Variants in PPFIA3 observed in about 807,000 individuals in gnomAD.
PPFIA3 encodes the protein liprin-alpha-3.
PPFIA3 carries 26 observed loss-of-function variants against 145.8 expected under a neutral mutation model. That is an observed-to-expected ratio of 0.18 (90% CI 0.13 to 0.25). PPFIA3 has a LOEUF of 0.25. Among genes scored for constraint, PPFIA3 ranks in the 10% least tolerant of loss-of-function variants. The pLI is 1.00. For synonymous variants in PPFIA3, 645 were observed against 661.4 expected (o/e 0.98, Z 0.38); for missense variants, 1,008 against 1,587.8 (o/e 0.63, Z 6.21).
chr19:49,138,417 C>A lies in PPFIA3; in HGVS notation c.2066C>A (p.Thr689Asn). 1 of 1,545,154 alleles carries A rather than the reference C, an allele frequency of 6.5e-7. No individual in the cohort carries two copies. Among genetic ancestry groups the A allele is most frequent in the African/African-American group, 1.4e-5 (1 of 73,792 alleles). The change falls in exon 16 of 30, where the codon ACC becomes AAC. Residue 689 changes from threonine (T) to asparagine (N), a missense_variant. By Grantham distance (65) the Thr-to-Asn change is moderately conservative. This residue lies in a region of PPFIA3 where 202 missense variants were observed against 241.8 expected (regional missense o/e 0.84). Coordinates refer to ENST00000334186, the MANE Select transcript of PPFIA3 (RefSeq NM_003660.4). ...CCCCCTAGCCCTGCCCGTGAGGGCA[C>A]CGACAAGGCTGTGAGTGCTCTGAAG... ...LAPPSPAREG[T>N]DKANHVPKEE...
In PPFIA3 at chr19:49,134,860, C is replaced by A. The variant is rs140242929; in HGVS notation, c.1465C>A (p.Arg489=). ...NKEQLLAEME[R]MQMEIDQLRG... is the part of the protein sequence containing the mutation. ...GGAGCAGCTCTTGGCCGAAATGGAG[C>A]GGATGCAGATGGAGATCGACCAGCT... Residue 489 remains arginine, a synonymous_variant, in exon 13 of 30, where the codon CGG becomes AGG. Transcript: ENST00000334186. 1.0e-5 allele frequency: 16 copies of A among 1,595,792 alleles called. No homozygotes were observed. Among genetic ancestry groups the A allele is most frequent in the Non-Finnish European group, 1.4e-5 (16 of 1,169,356 alleles).
intron 1 of PPFIA3, 102 bp from the exon 2 acceptor site, chr19:49,127,757 C>T: frequency 1.2e-5 from 17 of 1,403,066 alleles, no homozygotes; most frequent in Non-Finnish European, 1.6e-5. Flanking sequence ...GCTTGGTTTG[C>T]CCCCAACTAT....
Position 49,148,321 on chromosome 19 carries a change from C to T in PPFIA3, c.3011+63C>T, listed in dbSNP as rs1054221639. 1.6e-5 allele frequency: 24 copies of T among 1,530,388 alleles called. No homozygotes were observed. In the African/African-American group the frequency reaches 1.9e-4, roughly 12 times the overall value. The allele number at this position is 1,530,388 out of a possible 1,614,324, so 94.8% of individuals were successfully genotyped here. On this transcript the variant is annotated intron_variant, in intron 24 of 29. Transcript: ENST00000334186. ...AAGCCCCACCCCAGAGAGTCTTTGG[C>T]CAATAGGATTGGCCATGGGAGATTC...
In PPFIA3 at chr19:49,149,827, T is replaced by C; in HGVS notation, c.3526+109T>C. The C allele has an allele frequency of 7.4e-7, 1 of 1,354,012 alleles. No individual in the cohort carries two copies. Among genetic ancestry groups the C allele is most frequent in the South Asian group, 1.4e-5 (1 of 69,612 alleles). The allele number at this position is 1,354,012 out of a possible 1,614,324, so 83.9% of individuals were successfully genotyped here. A position where few individuals can be genotyped will look rare whatever the true frequency, so the allele number is the denominator to read the frequency against. ...GGCCTAGTCCTTTCTCGCCCACCCC[T>C]GAGGAATGGACTGCTCCAACGTTCC... On this transcript the variant is annotated intron_variant, in intron 28 of 29. Coordinates refer to ENST00000334186, the MANE Select transcript of PPFIA3 (RefSeq NM_003660.4). This position sits in a 1 kb window ranked among gnomAD's most constrained non-coding sequence, Gnocchi z 5.7.
rs1395145243 is a variant in PPFIA3, at chr19:49,149,573, C to A, written c.3381C>A (p.Ser1127=). The part of the protein sequence containing the change: ...DEDSAKSFSR[S]PSWRKMFREK... ...ACAGCGCCAAGTCTTTCAGCCGCTC[C>A]CCATCCTGGCGGAAGATGTTCCGGG... The change falls in exon 28 of 30, where the codon TCC becomes TCA. Residue 1127 remains serine, a synonymous_variant. Coordinates refer to ENST00000334186, the MANE Select transcript of PPFIA3 (RefSeq NM_003660.4). The surrounding 1 kb of genome is among the most constrained non-coding windows in gnomAD (Gnocchi z 5.7). 3.1e-6 allele frequency: 5 copies of A among 1,614,092 alleles called. No individual in the cohort carries two copies. Among genetic ancestry groups the A allele is most frequent in the Non-Finnish European group, 4.2e-6 (5 of 1,180,048 alleles).
At chr19:49,136,946 T>C (rs980093064) in intron 15 of PPFIA3, 35 bp downstream of exon 15, 1 of 1,456,324 alleles carries the variant, frequency 6.9e-7, no homozygotes, top group Non-Finnish European at 9.1e-7. Context: ...TGCCCTGCCC[T>C]GCCGGAGCTG....
At position 49,128,406 on chromosome 19, in the gene PPFIA3, G is replaced by T; in HGVS notation, c.280G>T (p.Glu94Ter). 6.2e-7 allele frequency: 1 copy of T among 1,613,636 alleles called. No individual in the cohort carries two copies. Among genetic ancestry groups the T allele is most frequent in the African/African-American group, 1.3e-5 (1 of 74,920 alleles). Residue 94 changes from glutamate (E) to a stop codon, truncating the protein, a stop_gained, in exon 3 of 30, where the codon GAG becomes TAG. Transcript: ENST00000334186. LOFTEE classifies it high-confidence loss of function. The surrounding 1 kb of genome is among the most constrained non-coding windows in gnomAD (Gnocchi z 4.1). ...GACGAAGGAGCTGAACTTATGTCGG[G>T]AGCAGCTGCTGGAGAGGGAGGAAGA... ...ALTKELNLCR[E>*]QLLEREEEIA... is the part of the protein sequence containing the mutation.
Position 49,136,870 on chromosome 19 carries a change from C to A in PPFIA3, c.1812C>A (p.Ile604=). 6.3e-7 allele frequency: 1 copy of A among 1,577,792 alleles called. No homozygotes were observed. The highest frequency in any genetic ancestry group is 8.6e-7 in the Non-Finnish European group (1 of 1,161,892). The change falls in exon 15 of 30, where the codon ATC becomes ATA. Residue 604 remains isoleucine, a synonymous_variant. Coordinates refer to ENST00000334186, the MANE Select transcript of PPFIA3 (RefSeq NM_003660.4). ...SGQADVQTLA[I]MLQEQLEAIN... ...AGGCTGACGTGCAGACGCTGGCCAT[C>A]ATGCTTCAGGAGCAGCTGGAGGCCA...
intron 11 of PPFIA3, among the ~76,000 whole-genome samples, 160 bp downstream of exon 11, chr19:49,134,325 C>A (rs1416570471): frequency 6.6e-6 from 1 of 152,180 alleles, no homozygotes; most frequent in Non-Finnish European, 1.5e-5. Context: ...GCCCAGACCG[C>A]TTTTTCACCT....
At chr19:49,122,717 T>G (rs866299357) in intron 1 of PPFIA3, among the ~76,000 whole-genome samples, 38,626 of 141,098 alleles carry the variant, frequency 0.27, 5,508 homozygotes, top group South Asian at 0.32. Flanking sequence ...TTTAGTTGTT[T>G]TTTTTTTTTT....
At position 49,142,018 on chromosome 19, in the gene PPFIA3, C is replaced by A; in HGVS notation, c.2463-16C>A. On this transcript the variant is annotated splice_polypyrimidine_tract_variant and intron_variant, in intron 19 of 29. Transcript: ENST00000334186. The stretch of plus-strand genomic sequence containing the variant: ...CATCCCTGACAGCTTCTATCCTGGC[C>A]CCTTCACCCTTACAGGCATGAACTC... 1 of 1,555,864 alleles carries A rather than the reference C, an allele frequency of 6.4e-7. No homozygotes were observed. The highest frequency in any genetic ancestry group is 8.7e-7 in the Non-Finnish European group (1 of 1,148,924).
chr19:49,133,929 G>A lies in PPFIA3; in HGVS notation c.1245+50G>A. Reference sequence around the variant, plus strand: ...AGGGTGGGGCTTCGAGGCTGGGGCGGAGCTTAATAAGGAGGCTGGGCTGGG... The same window carrying A: ...AGGGTGGGGCTTCGAGGCTGGGGCGAAGCTTAATAAGGAGGCTGGGCTGGG... On this transcript the variant is annotated intron_variant, in intron 10 of 29. Coordinates refer to ENST00000334186, the MANE Select transcript of PPFIA3 (RefSeq NM_003660.4). This position sits in a 1 kb window ranked among gnomAD's most constrained non-coding sequence, Gnocchi z 7.2. 6.2e-7 allele frequency: 1 copy of A among 1,610,578 alleles called. No individual in the cohort carries two copies. Among genetic ancestry groups the A allele is most frequent in the Non-Finnish European group, 8.5e-7 (1 of 1,178,516 alleles).
At position 49,149,096 on chromosome 19, in the gene PPFIA3, G is replaced by C. The variant is rs1251548477; in HGVS notation, c.3213G>C (p.Leu1071=). The part of the protein sequence containing the change: ...NLTESGVHGA[L]LALDETFDYS... ...CGGAGAGCGGGGTACACGGGGCACT[G>C]CTCGCCCTGGACGAGACCTTCGACT... is the stretch of plus-strand genomic sequence containing the variant. The change falls in exon 26 of 30, where the codon CTG becomes CTC. Residue 1071 remains leucine, a synonymous_variant. Transcript: ENST00000334186. The surrounding 1 kb of genome is among the most constrained non-coding windows in gnomAD (Gnocchi z 5.7). 1 of 1,614,068 alleles carries C rather than the reference G, an allele frequency of 6.2e-7. No individual in the cohort carries two copies. Among genetic ancestry groups the C allele is most frequent in the Admixed American group, 1.7e-5 (1 of 60,008 alleles).
chr19:49,123,720 G>A (rs2122520021), intron 1 of PPFIA3, among the ~76,000 whole-genome samples: 1 of 152,262 alleles, frequency 6.6e-6, no homozygotes, highest in South Asian at 2.1e-4. Flanking sequence ...GGGATTACAG[G>A]CGTGAACCAC....
In PPFIA3 at chr19:49,149,466, C is replaced by A. The variant is rs545109410; in HGVS notation, c.3355-81C>A. On this transcript the variant is annotated intron_variant, in intron 27 of 29. Coordinates refer to ENST00000334186, the MANE Select transcript of PPFIA3 (RefSeq NM_003660.4). This position sits in a 1 kb window ranked among gnomAD's most constrained non-coding sequence, Gnocchi z 5.7. ...GCGGGGTTAAAGGAGAGGTGAGACC[C>A]GGAGAGGGGTGGAGTCAAAGGAAGG... 27 of 1,590,352 alleles carry A rather than the reference C, an allele frequency of 1.7e-5. No individual in the cohort carries two copies. The highest frequency in any genetic ancestry group is 2.2e-5 in the Non-Finnish European group (25 of 1,161,678).
chr19:49,130,218 A>G lies in PPFIA3; in HGVS notation c.657+151A>G, dbSNP rs1226088699. 4 of 1,150,594 alleles carry G rather than the reference A, an allele frequency of 3.5e-6. No individual in the cohort carries two copies. The highest frequency in any genetic ancestry group is 4.9e-6 in the Non-Finnish European group (4 of 823,718). The allele number at this position is 1,150,594 out of a possible 1,614,324, so 71.3% of individuals were successfully genotyped here. ...CTTGGACCTCTGATTCAGGTCACCT[A>G]GCGAACTTCTGTGACCTCCTTCACT... is the stretch of plus-strand genomic sequence containing the variant. On this transcript the variant is annotated intron_variant, in intron 6 of 29. Coordinates refer to ENST00000334186, the MANE Select transcript of PPFIA3 (RefSeq NM_003660.4). The surrounding 1 kb of genome is among the most constrained non-coding windows in gnomAD (Gnocchi z 4.5).
Position 49,149,505 on chromosome 19 carries a change from A to G in PPFIA3, c.3355-42A>G. Reference sequence around the variant, plus strand: ...GTCAAAGGAAGGGGCGGAGTCAGACAAGGCAGGAGTCCCTCACCGGCTGTC... The same window carrying G: ...GTCAAAGGAAGGGGCGGAGTCAGACGAGGCAGGAGTCCCTCACCGGCTGTC... On this transcript the variant is annotated intron_variant, in intron 27 of 29. Coordinates refer to ENST00000334186, the MANE Select transcript of PPFIA3 (RefSeq NM_003660.4). The surrounding 1 kb of genome is among the most constrained non-coding windows in gnomAD (Gnocchi z 5.7). 6.2e-7 allele frequency: 1 copy of G among 1,612,394 alleles called. No homozygotes were observed. Among genetic ancestry groups the G allele is most frequent in the Non-Finnish European group, 8.5e-7 (1 of 1,178,840 alleles).
In PPFIA3 at chr19:49,142,811, T is replaced by C; in HGVS notation, c.2552T>C (p.Val851Ala). The change falls in exon 21 of 30, where the codon GTG (valine) becomes GCG (alanine). Residue 851 changes from valine (V) to alanine (A), a missense_variant. Val to Ala is a moderately conservative substitution (Grantham distance 64, BLOSUM62 0). Around this residue, in one of 11 missense-constraint regions of PPFIA3, gnomAD observed 154 missense variants for 369.2 expected, o/e 0.42. Coordinates refer to ENST00000334186, the MANE Select transcript of PPFIA3 (RefSeq NM_003660.4). ...TCTGTCCCTCCGCTGCAGCTGTGGGTGGGCATGCCTGCCTGGTATGTGGCC... is the reference window on the plus strand; with the variant it reads ...TCTGTCCCTCCGCTGCAGCTGTGGGCGGGCATGCCTGCCTGGTATGTGGCC... The part of the protein sequence containing the change: ...PTVVSWLELW[V>A]GMPAWYVAAC... 6.2e-7 allele frequency: 1 copy of C among 1,610,892 alleles called. No homozygotes were observed.
intron 22 of PPFIA3, 61 bp downstream of exon 22, chr19:49,146,066 G>A (rs2041276987): frequency 4.4e-6 from 7 of 1,606,294 alleles, no homozygotes; most frequent in South Asian, 2.2e-5. Flanking sequence ...GGTGGGGGCG[G>A]GGACCGAGTC....
Sources: gnomAD v4.1 joint callset for allele counts (sites outside exome capture counted in the v4.1 genomes callset) on GRCh38, gnomAD v4.1.1 for gene constraint, gnomAD v4.1.1 regional missense constraint, Gnocchi (gnomAD v3.1) non-coding constraint, MANE v1.5 for transcripts, NCBI Gene and HGNC (gene_info 2026-07-23, HGNC 2026-07-21) for gene names.